SNTG1: variants seen among roughly 807,000 people sequenced by gnomAD.
SNTG1 encodes gamma-1-syntrophin.
SNTG1 carries 39 observed loss-of-function variants against 74.7 expected under a neutral mutation model. That is an observed-to-expected ratio of 0.52 (90% CI 0.40 to 0.68). The LOEUF (loss-of-function observed/expected upper bound fraction) is 0.68. Ranked by LOEUF, SNTG1 falls within the 30% of genes least tolerant of loss-of-function variation. The pLI is 0.00. For synonymous variants in SNTG1, 254 were observed against 217.1 expected (o/e 1.17, Z -1.49); for missense variants, 685 against 609.5 (o/e 1.12, Z -1.30).
chr8:50,386,121 C>A (rs1160737250), intron 2 of SNTG1, among the ~76,000 whole-genome samples: 1 of 152,112 alleles, frequency 6.6e-6, no homozygotes, highest in East Asian at 1.9e-4. Flanking sequence ...GTCAGAAAAC[C>A]AATGTGGTGA....
intron 1 of SNTG1, among the ~76,000 whole-genome samples, chr8:49,920,877 C>T (rs1350164079): frequency 6.6e-5 from 10 of 151,950 alleles, no homozygotes; most frequent in South Asian, 2.1e-4. Context: ...TTAGTGATGC[C>T]GCTATCAAAT....
At chr8:50,582,086 T>A in intron 12 of SNTG1, among the ~76,000 whole-genome samples, 1 of 152,196 alleles carries the variant, frequency 6.6e-6, no homozygotes, top group East Asian at 1.9e-4. Context: ...TCATCCAGTA[T>A]CTGCAGGTTT....
chr8:49,962,110 G>A (rs1041157268), intron 1 of SNTG1, among the ~76,000 whole-genome samples: 5 of 152,140 alleles, frequency 3.3e-5, no homozygotes, highest in Non-Finnish European at 2.9e-5. Context: ...AAAGCCCTGT[G>A]GAAGGCAGCT....
At chr8:49,951,717 C>A (rs1205411585) in intron 1 of SNTG1, among the ~76,000 whole-genome samples, 1 of 150,742 alleles carries the variant, frequency 6.6e-6, no homozygotes, top group Non-Finnish European at 1.5e-5. Context: ...ATGTAACTAA[C>A]CTGCACAATG....
intron 1 of SNTG1, among the ~76,000 whole-genome samples, chr8:50,014,384 C>G (rs1365551188): frequency 6.6e-6 from 1 of 151,958 alleles, no homozygotes; most frequent in African/African-American, 2.4e-5. Flanking sequence ...TTTTAGTCAC[C>G]TAGGGCTGTG....
chr8:50,782,793 G>A (rs571157297), intron 18 of SNTG1, among the ~76,000 whole-genome samples: 9 of 152,266 alleles, frequency 5.9e-5, no homozygotes, highest in Non-Finnish European at 1.2e-4. Context: ...GGTTTTTAGA[G>A]TTTCTAGTTT....
chr8:50,198,950 T>G (rs745453916), intron 2 of SNTG1, among the ~76,000 whole-genome samples: 15 of 152,152 alleles, frequency 9.9e-5, no homozygotes, highest in Non-Finnish European at 1.8e-4. Flanking sequence ...TGTTTTTATT[T>G]TTGGTGGAAG....
chr8:50,501,425 GT>G (rs59123896), intron 8 of SNTG1, among the ~76,000 whole-genome samples: 44 of 57,096 alleles, frequency 7.7e-4, no homozygotes, highest in African/African-American at 1.9e-3. Flanking sequence ...GAGCCTGTGC[GT>G]TTTTTTTTTT....
intron 13 of SNTG1, among the ~76,000 whole-genome samples, chr8:50,595,779 C>T (rs2094723109): frequency 6.6e-6 from 1 of 151,826 alleles, no homozygotes; most frequent in Non-Finnish European, 1.5e-5. Context: ...TTTAATATTG[C>T]TCATTTAGCA....
chr8:50,456,339 CAGCTGTAACAAAAT>C (rs2093504987), intron 8 of SNTG1, among the ~76,000 whole-genome samples: 1 of 152,080 alleles, frequency 6.6e-6, no homozygotes, highest in Non-Finnish European at 1.5e-5. Context: ...TCCATCCCCT[CAGCTGTAACAAAAT>C]ACTTGTAACT....
intron 1 of SNTG1, among the ~76,000 whole-genome samples, chr8:49,978,640 A>G (rs16914134): frequency 8.9e-4 from 135 of 152,312 alleles, no homozygotes; most frequent in African/African-American, 3.2e-3. Flanking sequence ...TACCAGAAGT[A>G]TGAGGACATC....
intron 1 of SNTG1, among the ~76,000 whole-genome samples, chr8:50,069,161 A>C (rs1477206056): frequency 1.3e-5 from 2 of 152,232 alleles, no homozygotes; most frequent in African/African-American, 4.8e-5. Flanking sequence ...TAAGTATCCA[A>C]GAACAGAAAA....
At chr8:50,061,957 T>C (rs1586102999) in intron 1 of SNTG1, among the ~76,000 whole-genome samples, 1 of 152,150 alleles carries the variant, frequency 6.6e-6, no homozygotes, top group Non-Finnish European at 1.5e-5. Flanking sequence ...ATATGGTTGG[T>C]TGATTGTGTT....
intron 2 of SNTG1, among the ~76,000 whole-genome samples, chr8:50,212,616 T>C (rs2084574853): frequency 1.3e-5 from 2 of 152,192 alleles, no homozygotes; most frequent in African/African-American, 4.8e-5. Flanking sequence ...AAATGATAAG[T>C]ATTCTGTTTT....
At chr8:50,705,588 A>C (rs137982679) in intron 16 of SNTG1, among the ~76,000 whole-genome samples, 19 of 152,134 alleles carry the variant, frequency 1.2e-4, no homozygotes, top group Middle Eastern at 3.4e-3. Flanking sequence ...AGGATTGCAC[A>C]CACTCAGTCT....
At chr8:49,937,552 T>C (rs2129367559) in intron 1 of SNTG1, among the ~76,000 whole-genome samples, 1 of 152,356 alleles carries the variant, frequency 6.6e-6, no homozygotes, top group Non-Finnish European at 1.5e-5. Context: ...ATTACATTTC[T>C]ATTGGAGAGT....
intron 13 of SNTG1, among the ~76,000 whole-genome samples, chr8:50,597,350 CGTATATATACACATATACAT>C (rs2094735812): frequency 6.8e-6 from 1 of 146,006 alleles, no homozygotes; most frequent in South Asian, 2.1e-4. Flanking sequence ...CATATATACA[CGTATATATACACATATACAT>C]GTATATATAC....
chr8:49,971,379 A>G (rs1811656535), intron 1 of SNTG1, among the ~76,000 whole-genome samples: 1 of 152,136 alleles, frequency 6.6e-6, no homozygotes, highest in Admixed American at 6.6e-5. Flanking sequence ...AAATAATAAG[A>G]GCTATCTATG....
At chr8:50,087,106 T>G (rs1445822929) in intron 1 of SNTG1, among the ~76,000 whole-genome samples, 4 of 152,032 alleles carry the variant, frequency 2.6e-5, no homozygotes, top group Non-Finnish European at 4.4e-5. Context: ...ATAGTTTTTG[T>G]GAAATAAGTG....
Sources: allele counts gnomAD v4.1 joint callset (sites outside exome capture counted in the v4.1 genomes callset), GRCh38; gene constraint gnomAD v4.1.1; transcripts MANE v1.5; gene names NCBI Gene and HGNC (gene_info 2026-07-23, HGNC 2026-07-21).